PTPRD: variants seen among roughly 807,000 people sequenced by gnomAD.
The protein encoded by PTPRD is receptor-type tyrosine-protein phosphatase delta.
Under a neutral mutation model 214.5 loss-of-function variants are expected in PTPRD, and 34 were observed. That is an observed-to-expected ratio of 0.16 (90% CI 0.12 to 0.21). The LOEUF is 0.21. PTPRD is among the 10% of genes least tolerant of loss of function. The probability of loss-of-function intolerance (pLI) is 1.00; values close to 1 mark genes in which losing one functional copy is unlikely to be tolerated. For missense variants in PTPRD, 2,545 were observed against 2,398.7 expected, an observed-to-expected ratio of 1.06 and a Z score of -1.27; for synonymous variants, 1,128 against 845.7, an observed-to-expected ratio of 1.33 and a Z score of -5.79.
intron 5 of PTPRD, among the ~76,000 whole-genome samples, chr9:9,864,756 C>T (rs1270374152): frequency 2.6e-5 from 4 of 152,084 alleles, no homozygotes; most frequent in African/African-American, 9.7e-5. Flanking sequence ...TCAAGCAATT[C>T]TCCCACCTTT....
Position 9,881,176 on chromosome 9 carries a change from T to G in PTPRD, c.-368+57331A>C, listed in dbSNP as rs188445678. On this transcript the variant is annotated intron_variant, in intron 5 of 45. Transcript: ENST00000381196. ...CTATATTAGACAAAATTAGTAGTTT[T>G]TTTTAATTGGCTAACACTGCAGAAT... 5.9e-5 allele frequency among the ~76,000 whole-genome samples: 9 copies of G among 152,326 alleles called. No individual in the cohort carries two copies. In the East Asian group the frequency reaches 1.5e-3, roughly 26 times the overall value.
chr9:9,866,090 C>T (rs1242289977), intron 5 of PTPRD, among the ~76,000 whole-genome samples: 8 of 152,168 alleles, frequency 5.3e-5, no homozygotes, highest in Admixed American at 5.2e-4. Context: ...CTGAAACCTA[C>T]TTCTTTTTCA....
chr9:9,229,866 T>C (rs1004445047), intron 9 of PTPRD, among the ~76,000 whole-genome samples: 2 of 152,146 alleles, frequency 1.3e-5, no homozygotes, highest in Admixed American at 1.3e-4. Context: ...GGAAGACTGA[T>C]AGTTACATTA....
intron 12 of PTPRD, among the ~76,000 whole-genome samples, chr9:8,688,370 T>C (rs1436654879): frequency 6.6e-6 from 1 of 151,908 alleles, no homozygotes; most frequent in African/African-American, 2.4e-5. Flanking sequence ...ATCGAGACTA[T>C]CCTAGCTAAC....
intron 8 of PTPRD, among the ~76,000 whole-genome samples, chr9:9,444,126 GT>G (rs1462608017): frequency 6.6e-6 from 1 of 152,068 alleles, no homozygotes; most frequent in Non-Finnish European, 1.5e-5. Flanking sequence ...TTTTTAGAAA[GT>G]TTTGCTGTTG....
At chr9:8,753,040 C>T (rs1385320075) in intron 11 of PTPRD, among the ~76,000 whole-genome samples, 1 of 152,206 alleles carries the variant, frequency 6.6e-6, no homozygotes, top group African/African-American at 2.4e-5. Context: ...AACTTGGCTT[C>T]TTACGGTTAC....
chr9:9,904,028 C>G (rs143076616), intron 5 of PTPRD, among the ~76,000 whole-genome samples: 204 of 152,208 alleles, frequency 1.3e-3, no homozygotes, highest in African/African-American at 4.8e-3. Context: ...TTACCCCTGG[C>G]AAAGTTCAGT....
intron 12 of PTPRD, among the ~76,000 whole-genome samples, chr9:8,652,238 AC>A (rs1305263514): frequency 3.9e-5 from 6 of 152,228 alleles, no homozygotes; most frequent in Non-Finnish European, 8.8e-5. Context: ...ATAAACTGAA[AC>A]ACTTCTGGTG....
At chr9:9,119,889 T>C (rs2099816002) in intron 10 of PTPRD, among the ~76,000 whole-genome samples, 1 of 151,984 alleles carries the variant, frequency 6.6e-6, no homozygotes, top group South Asian at 2.1e-4. Flanking sequence ...AAGTGTATTG[T>C]ACTTGGGAGA....
At chr9:9,613,217 A>AAGAG (rs2094635596) in intron 7 of PTPRD, among the ~76,000 whole-genome samples, 1 of 145,392 alleles carries the variant, frequency 6.9e-6, no homozygotes, top group African/African-American at 2.6e-5. Context: ...GAAAACTGTG[A>AAGAG]AATCATTTAA....
At chr9:9,900,759 C>T (rs1450056023) in intron 5 of PTPRD, among the ~76,000 whole-genome samples, 2 of 151,668 alleles carry the variant, frequency 1.3e-5, no homozygotes, top group East Asian at 3.9e-4. Context: ...GCCTCAGCCT[C>T]CCGAGTAGCT....
intron 7 of PTPRD, among the ~76,000 whole-genome samples, chr9:9,627,358 G>A (rs1237735743): frequency 6.6e-6 from 1 of 152,166 alleles, no homozygotes; most frequent in African/African-American, 2.4e-5. Context: ...TAGATGCTTA[G>A]TCAATTCTCC....
chr9:10,612,540 T>G (rs370470806), intron 1 of PTPRD, 35 bp from the exon 2 acceptor site: 5 of 152,342 alleles, frequency 3.3e-5, no homozygotes, highest in African/African-American at 1.2e-4. Flanking sequence ...CAGCAGCCCG[T>G]CAGGGTTTGG....
chr9:9,359,754 C>T (rs2055279154), intron 9 of PTPRD, among the ~76,000 whole-genome samples: 1 of 151,240 alleles, frequency 6.6e-6, no homozygotes, highest in Middle Eastern at 3.4e-3. Context: ...ACTTTATTGA[C>T]ATCTGACTTC....
At chr9:10,592,634 A>G (rs1405830901) in intron 2 of PTPRD, among the ~76,000 whole-genome samples, 1 of 151,936 alleles carries the variant, frequency 6.6e-6, no homozygotes, top group Admixed American at 6.6e-5. Context: ...AGAGGATTGT[A>G]AGATGCACCA....
intron 7 of PTPRD, among the ~76,000 whole-genome samples, chr9:9,694,464 G>A (rs889453930): frequency 6.6e-6 from 1 of 152,006 alleles, no homozygotes; most frequent in Non-Finnish European, 1.5e-5. Flanking sequence ...GTTGATGCAA[G>A]CTCCTTTGTG....
At chr9:9,625,651 C>T (rs747617845) in intron 7 of PTPRD, among the ~76,000 whole-genome samples, 2 of 151,772 alleles carry the variant, frequency 1.3e-5, no homozygotes, top group Non-Finnish European at 2.9e-5. Context: ...GAGATAGTCA[C>T]CATTTTGTAT....
chr9:10,101,251 C>T (rs1262478105), intron 3 of PTPRD, among the ~76,000 whole-genome samples: 1 of 151,408 alleles, frequency 6.6e-6, no homozygotes, highest in Admixed American at 6.6e-5. Context: ...ATGGGACTCG[C>T]TGAAAGTAAG....
At chr9:10,523,776 T>A (rs1381181109) in intron 2 of PTPRD, among the ~76,000 whole-genome samples, 2 of 151,306 alleles carry the variant, frequency 1.3e-5, no homozygotes, top group African/African-American at 2.4e-5. Flanking sequence ...GATGTGTCCA[T>A]TGATAGAAGT....
Sources: gnomAD v4.1 joint callset for allele counts (sites outside exome capture counted in the v4.1 genomes callset) on GRCh38, gnomAD v4.1.1 for gene constraint, MANE v1.5 for transcripts, NCBI Gene and HGNC (gene_info 2026-07-23, HGNC 2026-07-21) for gene names.